Variants in THNSL1 observed in about 807,000 individuals in gnomAD.
The protein encoded by THNSL1 is threonine synthase like 1.
A neutral mutation model predicts 50.4 loss-of-function variants in THNSL1; 48 were observed. The ratio of observed to expected loss-of-function variants is 0.95; its 90% CI spans 0.76 to 1.21. The LOEUF (loss-of-function observed/expected upper bound fraction) is 1.21. THNSL1 is among the 50% of genes most tolerant of loss of function. The pLI, the probability that THNSL1 is intolerant of heterozygous loss-of-function variation, is 0.00. For synonymous variants in THNSL1, 309 were observed against 306.1 expected, an observed-to-expected ratio of 1.01 and a Z score of -0.10; for missense variants, 896 against 871.7, an observed-to-expected ratio of 1.03 and a Z score of -0.35.
intron 1 of THNSL1, among the ~76,000 whole-genome samples, chr10:25,016,941 G>C (rs961791250): frequency 6.6e-6 from 1 of 152,164 alleles, no homozygotes; most frequent in Non-Finnish European, 1.5e-5. Flanking sequence ...GAGGCTCCTC[G>C]GAACGCCGCG....
At chr10:24,958,090 C>T in the THNSL1 span, among the ~76,000 whole-genome samples, 1 of 152,034 alleles carries the variant, frequency 6.6e-6, no homozygotes, top group Non-Finnish European at 1.5e-5. Flanking sequence ...CACTCAGTGA[C>T]ACTAGATTGG....
the THNSL1 span, among the ~76,000 whole-genome samples, chr10:24,988,664 GT>G: frequency 1.0e-5 from 1 of 98,846 alleles, no homozygotes; most frequent in Non-Finnish European, 2.1e-5. Flanking sequence ...CACAGCATAT[GT>G]ATATATATAT....
At chr10:24,957,208 A>G in the THNSL1 span, among the ~76,000 whole-genome samples, 1 of 152,150 alleles carries the variant, frequency 6.6e-6, no homozygotes, top group South Asian at 2.1e-4. Flanking sequence ...CTCTACTTCT[A>G]TGTGATCAAC....
chr10:25,016,114 G>C, upstream of THNSL1: 2 of 1,280,552 alleles, frequency 1.6e-6, no homozygotes, highest in African/African-American at 3.0e-5. Context: ...CTCTCGGGAA[G>C]AAAACACCCT....
At chr10:25,008,916 C>A in the THNSL1 span, among the ~76,000 whole-genome samples, 1 of 152,194 alleles carries the variant, frequency 6.6e-6, no homozygotes, top group South Asian at 2.1e-4. Flanking sequence ...CCATGGAATA[C>A]TATGCAGCCA....
the THNSL1 span, among the ~76,000 whole-genome samples, chr10:24,985,455 A>G: frequency 6.6e-6 from 1 of 152,204 alleles, no homozygotes; most frequent in Non-Finnish European, 1.5e-5. Flanking sequence ...CTTTCAATAT[A>G]TTAGAAAGAA....
At position 25,024,202 on chromosome 10, in the gene THNSL1, A is replaced by T. The variant is rs145829113; in HGVS notation, c.979A>T (p.Ile327Phe). Residue 327 changes from isoleucine to phenylalanine, a missense_variant, in exon 3 of 3, where the codon ATT becomes TTT. Physicochemically the swap from Ile to Phe is conservative, Grantham distance 21. Coordinates refer to ENST00000376356, the MANE Select transcript of THNSL1 (RefSeq NM_024838.5). ...AYGENFACSK[I>F]APVRHLSGNQ... Reference sequence around the variant, plus strand: ...TGGGGAAAACTTTGCCTGCTCAAAAATTGCTCCTGTCAGGCACCTTTCAGG... The same window carrying T: ...TGGGGAAAACTTTGCCTGCTCAAAATTTGCTCCTGTCAGGCACCTTTCAGG... The T allele has an allele frequency of 1.2e-6, 2 of 1,614,186 alleles. No homozygotes were observed. Among genetic ancestry groups the T allele is most frequent in the Non-Finnish European group, 8.5e-7 (1 of 1,180,030 alleles).
chr10:25,016,261 A>C (rs1039870625), upstream of THNSL1: 14 of 886,206 alleles, frequency 1.6e-5, no homozygotes, highest in South Asian at 2.1e-4. Context: ...TCTGCTAGAG[A>C]AGCTCATTTG....
the THNSL1 span, among the ~76,000 whole-genome samples, chr10:24,963,574 T>C: frequency 6.6e-6 from 1 of 152,212 alleles, no homozygotes; most frequent in African/African-American, 2.4e-5. Flanking sequence ...GTTCTGATGA[T>C]TTTTCTTATT....
chr10:24,994,226 T>G, the THNSL1 span, among the ~76,000 whole-genome samples: 5 of 151,228 alleles, frequency 3.3e-5, no homozygotes, highest in Non-Finnish European at 7.4e-5. Flanking sequence ...TCTTTATCTC[T>G]CTTCCTTTTT....
chr10:24,972,508 A>C, the THNSL1 span, among the ~76,000 whole-genome samples: 1 of 125,990 alleles, frequency 7.9e-6, no homozygotes, highest in East Asian at 2.0e-4. Context: ...ACTCTGTCTC[A>C]AAAAAAAAAA....
the THNSL1 span, among the ~76,000 whole-genome samples, chr10:24,956,452 C>T: frequency 1.4e-5 from 2 of 145,318 alleles, no homozygotes; most frequent in East Asian, 4.0e-4. Flanking sequence ...AGTAGTTTCT[C>T]TGCATTTTAT....
chr10:24,968,326 G>T, the THNSL1 span, among the ~76,000 whole-genome samples: 1 of 152,006 alleles, frequency 6.6e-6, no homozygotes, highest in Non-Finnish European at 1.5e-5. Context: ...CCATTGTGAG[G>T]TGCTCCTGCC....
intron 2 of THNSL1, 97 bp from the exon 3 acceptor site, chr10:25,023,079 A>G (rs2132756752): frequency 1.3e-6 from 1 of 760,984 alleles, no homozygotes; most frequent in East Asian, 2.7e-5. Context: ...TACCATGGGC[A>G]TGGTTATATT....
At chr10:25,021,072 A>G (rs1212483870) in intron 1 of THNSL1, among the ~76,000 whole-genome samples, 2 of 152,198 alleles carry the variant, frequency 1.3e-5, no homozygotes, top group African/African-American at 4.8e-5. Context: ...TTCGTGGGTG[A>G]ACACCACGGT....
At chr10:24,988,384 G>GTATATATATTTATATATA in the THNSL1 span, among the ~76,000 whole-genome samples, 5 of 141,970 alleles carry the variant, frequency 3.5e-5, no homozygotes, top group Non-Finnish European at 7.6e-5. Context: ...ATGTATATAT[G>GTATATATATTTATATATA]TGTATATATT....
the THNSL1 span, chr10:24,953,486 A>G: frequency 6.6e-6 from 1 of 152,256 alleles, no homozygotes; most frequent in African/African-American, 2.4e-5. Context: ...CAGCTTTACT[A>G]AAGCAATCGC....
chr10:24,965,956 A>C, the THNSL1 span, among the ~76,000 whole-genome samples: 2 of 152,242 alleles, frequency 1.3e-5, no homozygotes, highest in Non-Finnish European at 2.9e-5. Flanking sequence ...CTGATTCTTT[A>C]GTTAAATGAT....
chr10:24,994,000 A>T, the THNSL1 span, among the ~76,000 whole-genome samples: 1 of 152,096 alleles, frequency 6.6e-6, no homozygotes, highest in Non-Finnish European at 1.5e-5. Flanking sequence ...AACAGTTTCC[A>T]GGGGCCACAG....
Sources: allele counts gnomAD v4.1 joint callset (sites outside exome capture counted in the v4.1 genomes callset), GRCh38; gene constraint gnomAD v4.1.1; transcripts MANE v1.5; gene names NCBI Gene and HGNC (gene_info 2026-07-23, HGNC 2026-07-21).